Variants in SEC22C observed in about 807,000 individuals in gnomAD.
SEC22C encodes the protein SEC22 homolog C, vesicle trafficking protein, also known as vesicle-trafficking protein SEC22c.
A neutral mutation model predicts 34.7 loss-of-function variants in SEC22C; 29 were observed. The observed-to-expected ratio is 0.84, with a 90% CI of 0.62 to 1.14. The LOEUF (loss-of-function observed/expected upper bound fraction) is 1.14, where lower values mean the gene tolerates loss of function less well. Among genes scored for constraint, SEC22C ranks in the 50% most tolerant of loss-of-function variants. The pLI is 0.00. For missense variants in SEC22C, 337 were observed against 369.0 expected, an observed-to-expected ratio of 0.91 and a Z score of 0.71; for synonymous variants, 117 against 132.8, an observed-to-expected ratio of 0.88 and a Z score of 0.82.
chr3:42,583,965 T>C (rs908616173), upstream of SEC22C, among the ~76,000 whole-genome samples: 3 of 152,306 alleles, frequency 2.0e-5, no homozygotes, highest in South Asian at 6.2e-4. Context: ...ACCATTCAGC[T>C]TCCCTGGTTC....
At position 42,591,269 on chromosome 3, in the gene SEC22C, G is replaced by A. The variant is rs563738096; in HGVS notation, c.-28+9691C>T. Reference sequence around the variant, plus strand: ...GGCTGGAGTGCAGTGGTGCATCTTGGCTCACTGAAACCACCGCTTCCTGGC... The same window carrying A: ...GGCTGGAGTGCAGTGGTGCATCTTGACTCACTGAAACCACCGCTTCCTGGC... On this transcript the variant is annotated intron_variant, in intron 1 of 6. Transcript: ENST00000417572. The A allele has an allele frequency of 4.2e-5, 24 of 578,022 alleles. No individual in the cohort carries two copies. The African/African-American group carries it at 4.8e-4, about 12-fold the overall frequency. 35.8% of individuals were successfully genotyped at this position (578,022 alleles called of 1,614,324 possible).
intron 2 of SEC22C, chr3:42,563,961 A>G: frequency 1.5e-6 from 2 of 1,336,166 alleles, no homozygotes; most frequent in Non-Finnish European, 2.0e-6. Flanking sequence ...TGGGGGAATT[A>G]GCCTCAGACT....
chr3:42,591,794 C>T (rs759043682), intron 1 of SEC22C, among the ~76,000 whole-genome samples: 1 of 152,202 alleles, frequency 6.6e-6, no homozygotes, highest in Non-Finnish European at 1.5e-5. Context: ...AGCCTGGAGT[C>T]AGACGTGGCT....
At chr3:42,576,240 A>T (rs1328708855) in intron 1 of SEC22C, among the ~76,000 whole-genome samples, 1 of 152,232 alleles carries the variant, frequency 6.6e-6, no homozygotes, top group African/African-American at 2.4e-5. Flanking sequence ...CTAAATGCTT[A>T]CATTCCAAAA....
chr3:42,596,069 C>G (rs771319018), intron 1 of SEC22C, among the ~76,000 whole-genome samples: 2 of 151,352 alleles, frequency 1.3e-5, no homozygotes, highest in Admixed American at 6.6e-5. Flanking sequence ...CTCGCTCTGT[C>G]GGAGTGCAGT....
At chr3:42,593,758 G>A (rs1297711247) in intron 1 of SEC22C, among the ~76,000 whole-genome samples, 7 of 152,184 alleles carry the variant, frequency 4.6e-5, no homozygotes, top group Non-Finnish European at 7.3e-5. Context: ...GTAAGTGGGG[G>A]GAGGAGTGCT....
intron 2 of SEC22C, chr3:42,566,619 C>T (rs1246579581): frequency 1.3e-5 from 2 of 158,962 alleles, no homozygotes; most frequent in African/African-American, 2.5e-5. Context: ...GCAGAGCTTG[C>T]AGTGAGCCGA....
chr3:42,563,682 A>G lies in SEC22C; in HGVS notation c.187T>C (p.Ser63Pro). ...ATGCAGGCCACGTCCCCGAAAGAAG[A>G]AAAACTGAAACAAAAGGGCAATATC... is the stretch of plus-strand genomic sequence containing the variant. ...AEGCDFSIHFSSFGDVACMAI... is the reference protein window; with the variant it reads ...AEGCDFSIHFPSFGDVACMAI... The change falls in exon 3 of 7, where the codon TCT becomes CCT. Residue 63 changes from serine (S) to proline (P), a missense_variant. Physicochemically the swap from Ser to Pro is moderately conservative, Grantham distance 74. Transcript: ENST00000264454. The G allele has an allele frequency of 6.2e-7, 1 of 1,613,880 alleles. No individual in the cohort carries two copies.
chr3:42,600,429 C>G (rs1705253910), intron 1 of SEC22C: 1 of 152,266 alleles, frequency 6.6e-6, no homozygotes, highest in Non-Finnish European at 1.5e-5. Flanking sequence ...ATGGAGGGCG[C>G]AGGCGCATCC....
At chr3:42,580,175 CCA>C (rs1333238052) in intron 1 of SEC22C, among the ~76,000 whole-genome samples, 1 of 152,018 alleles carries the variant, frequency 6.6e-6, no homozygotes, top group Non-Finnish European at 1.5e-5. Flanking sequence ...GTTTTTTCTT[CCA>C]CCTTTTACCC....
chr3:42,564,042 C>A (rs1703088622), intron 2 of SEC22C: 2 of 864,278 alleles, frequency 2.3e-6, no homozygotes, highest in Non-Finnish European at 1.6e-6. Flanking sequence ...GTTAAATGAT[C>A]CTGGCATCCT....
chr3:42,578,146 C>G (rs1019495827), intron 1 of SEC22C, among the ~76,000 whole-genome samples: 2 of 152,118 alleles, frequency 1.3e-5, no homozygotes, highest in African/African-American at 4.8e-5. Flanking sequence ...ACAACCAAAC[C>G]TGAAAACAAC....
At chr3:42,555,461 A>C (rs1391058430) in intron 6 of SEC22C, among the ~76,000 whole-genome samples, 1 of 152,150 alleles carries the variant, frequency 6.6e-6, no homozygotes, top group Non-Finnish European at 1.5e-5. Flanking sequence ...AAGTACTGGG[A>C]TTACAGGTGT....
intron 2 of SEC22C, among the ~76,000 whole-genome samples, chr3:42,564,596 CAAG>C (rs1386503920): frequency 6.6e-6 from 1 of 152,174 alleles, no homozygotes; most frequent in Non-Finnish European, 1.5e-5. Context: ...TTACGAGGCG[CAAG>C]AACAACATTT....
chr3:42,599,056 C>T lies in SEC22C; in HGVS notation c.-28+1904G>A, dbSNP rs1279364162. Among the ~76,000 whole-genome samples, 4 of 150,816 alleles carry T rather than the reference C, an allele frequency of 2.7e-5. No individual in the cohort carries two copies. The Middle Eastern group carries it at 0.01, about 390-fold the overall frequency. On this transcript the variant is annotated intron_variant, in intron 1 of 6. Transcript: ENST00000417572. Reference sequence around the variant, plus strand: ...TCTCGGCTCACTGCAAGCTCTGCCTCCCAGGTTCACGCCATTCTTCTGCCT... The same window carrying T: ...TCTCGGCTCACTGCAAGCTCTGCCTTCCAGGTTCACGCCATTCTTCTGCCT...
At position 42,549,127 on chromosome 3, in the gene SEC22C, T is replaced by C. The variant is rs1261072421; in HGVS notation, c.*4121A>G. ...CTCTCAAGGGCACAGCTACACTCTT[T>C]CTCCACCATTATTAACACTCACAGG... On this transcript the variant is annotated 3_prime_UTR_variant, in exon 7 of 7. Transcript: ENST00000264454. 5 of 991,912 alleles carry C rather than the reference T, an allele frequency of 5.0e-6. 1 individual carries two copies. In the South Asian group the frequency reaches 2.3e-4, roughly 45 times the overall value. The allele number at this position is 991,912 out of a possible 1,614,324, so 61.4% of individuals were successfully genotyped here. A position where few individuals can be genotyped will look rare whatever the true frequency, so the allele number is the denominator to read the frequency against.
chr3:42,582,417 C>G (rs1351429670), upstream of SEC22C: 1 of 152,396 alleles, frequency 6.6e-6, no homozygotes, highest in African/African-American at 2.4e-5. Flanking sequence ...TACTGCCAGC[C>G]TGGATGGGGC....
At chr3:42,596,737 TAGAA>T (rs1476776258) in intron 1 of SEC22C, among the ~76,000 whole-genome samples, 6 of 152,218 alleles carry the variant, frequency 3.9e-5, no homozygotes, top group Non-Finnish European at 8.8e-5. Flanking sequence ...GGCAGAACCT[TAGAA>T]AGGAGATATT....
At chr3:42,601,022 C>A in exon 1 of SEC22C, 1 of 1,580,636 alleles carries the variant, frequency 6.3e-7, no homozygotes, top group South Asian at 1.2e-5. Context: ...GGCGCAGGAC[C>A]GGCCGCAGTG....
Sources: gnomAD v4.1 joint callset for allele counts (sites outside exome capture counted in the v4.1 genomes callset) on GRCh38, gnomAD v4.1.1 for gene constraint, MANE v1.5 for transcripts, NCBI Gene and HGNC (gene_info 2026-07-23, HGNC 2026-07-21) for gene names.